LRCH3: variants seen among roughly 807,000 people sequenced by gnomAD.
The protein encoded by LRCH3 is leucine rich repeats and calponin homology domain containing 3.
A neutral mutation model predicts 104.5 loss-of-function variants in LRCH3; 68 were observed. The observed-to-expected ratio is 0.65, with a 90% confidence interval of 0.54 to 0.80. The LOEUF is 0.80. LRCH3 is among the 30% of genes least tolerant of loss of function. The pLI is 0.00. For synonymous variants in LRCH3, 344 were observed against 361.3 expected (o/e 0.95, Z 0.54); for missense variants, 951 against 953.9 (o/e 1.00, Z 0.04).
intron 1 of LRCH3, among the ~76,000 whole-genome samples, chr3:197,801,086 C>T (rs1731838542): frequency 9.1e-6 from 1 of 109,434 alleles, no homozygotes; most frequent in Admixed American, 1.1e-4. Flanking sequence ...CAGAGTGAGA[C>T]TCCATCTCAA....
At chr3:197,861,579 C>A (rs1740886782) in intron 15 of LRCH3, among the ~76,000 whole-genome samples, 2 of 152,048 alleles carry the variant, frequency 1.3e-5, no homozygotes, top group African/African-American at 4.8e-5. Flanking sequence ...TTCTATCCGA[C>A]CTGCTGTACT....
At chr3:197,805,300 A>T (rs905703849) in intron 1 of LRCH3, among the ~76,000 whole-genome samples, 2 of 152,176 alleles carry the variant, frequency 1.3e-5, no homozygotes, top group Non-Finnish European at 2.9e-5. Context: ...TTCCAGTAAG[A>T]CACTTTTTTC....
intron 1 of LRCH3, among the ~76,000 whole-genome samples, chr3:197,802,635 T>G (rs1490075899): frequency 6.6e-6 from 1 of 152,182 alleles, no homozygotes; most frequent in Non-Finnish European, 1.5e-5. Flanking sequence ...CCATGGCTTT[T>G]CTTTGGTGAG....
At chr3:197,839,470 C>A in intron 10 of LRCH3, 73 bp downstream of exon 10, 2 of 875,048 alleles carry the variant, frequency 2.3e-6, no homozygotes, top group South Asian at 1.7e-5. Flanking sequence ...TGGTTTTATG[C>A]AGATCTGTGT....
chr3:197,872,718 T>G (rs1158018474), intron 19 of LRCH3, among the ~76,000 whole-genome samples: 1 of 151,348 alleles, frequency 6.6e-6, no homozygotes, highest in Non-Finnish European at 1.5e-5. Flanking sequence ...TAGCCAGGAG[T>G]GGTTCATACA....
At position 197,856,034 on chromosome 3, in the gene LRCH3, T is replaced by TA. The variant is rs1740206925; in HGVS notation, c.1644+1589_1644+1590insA. ...CTCTCCAGTCTCCTCTCTGGGCTTGTGCCATACCAGCATTGTTTCCAGCTC... is the reference window on the plus strand; with the variant it reads ...CTCTCCAGTCTCCTCTCTGGGCTTGTAGCCATACCAGCATTGTTTCCAGCTC... On this transcript the variant is annotated intron_variant, in intron 14 of 20. Transcript: ENST00000425562. This position sits in a 1 kb window ranked among gnomAD's most constrained non-coding sequence, Gnocchi z 4.2. 6.6e-6 allele frequency among the ~76,000 whole-genome samples: 1 copy of TA among 152,244 alleles called. No individual in the cohort carries two copies. Among genetic ancestry groups the TA allele is most frequent in the Non-Finnish European group, 1.5e-5 (1 of 68,050 alleles).
chr3:197,886,367 T>G lies in LRCH3; in HGVS notation c.*2701T>G, dbSNP rs1364578776. 1 of 151,620 alleles carries G rather than the reference T, an allele frequency of 6.6e-6. No homozygotes were observed. Among genetic ancestry groups the G allele is most frequent in the Non-Finnish European group, 1.5e-5 (1 of 67,938 alleles). 9.4% of individuals were successfully genotyped at this position (151,620 alleles called of 1,614,324 possible). A position where few individuals can be genotyped will look rare whatever the true frequency, so the allele number is the denominator to read the frequency against. ...CTCTAAAAATAAATTGTACAACATCTAACTTCAATGCCCAATCTTATAGAA... is the reference window on the plus strand; with the variant it reads ...CTCTAAAAATAAATTGTACAACATCGAACTTCAATGCCCAATCTTATAGAA... On this transcript the variant is annotated 3_prime_UTR_variant, in exon 21 of 21. Coordinates refer to ENST00000425562, the MANE Select transcript of LRCH3 (RefSeq NM_001365715.1).
intron 10 of LRCH3, among the ~76,000 whole-genome samples, chr3:197,845,185 G>A (rs1738471465): frequency 6.6e-6 from 1 of 152,048 alleles, no homozygotes; most frequent in Admixed American, 6.5e-5. Context: ...AAGGTGGGTG[G>A]TTTGCTTGAG....
In LRCH3 at chr3:197,820,431, G is replaced by T. The variant is rs760380812; in HGVS notation, c.640+1G>T. The T allele has an allele frequency of 1.3e-6, 2 of 1,522,680 alleles. No individual in the cohort carries two copies. Among genetic ancestry groups the T allele is most frequent in the Non-Finnish European group, 9.1e-7 (1 of 1,101,424 alleles). 94.3% of individuals were successfully genotyped at this position (1,522,680 alleles called of 1,614,324 possible). A position where few individuals can be genotyped will look rare whatever the true frequency, so the allele number is the denominator to read the frequency against. On this transcript the variant is annotated splice_donor_variant, in intron 4 of 20. Coordinates refer to ENST00000425562, the MANE Select transcript of LRCH3 (RefSeq NM_001365715.1). LOFTEE classifies it high-confidence loss of function. ...AATCACCTAGTACATTTGCCTGAAG[G>T]TAAGAAACTATGAAATAAGAAACCA...
intron 4 of LRCH3, among the ~76,000 whole-genome samples, chr3:197,822,319 C>T (rs1734587129): frequency 6.6e-6 from 1 of 151,978 alleles, no homozygotes; most frequent in South Asian, 2.1e-4. Flanking sequence ...CCTTATAACC[C>T]CAAATTTCTC....
chr3:197,816,407 A>G (rs1477594318), intron 2 of LRCH3, among the ~76,000 whole-genome samples: 1 of 151,930 alleles, frequency 6.6e-6, no homozygotes, highest in East Asian at 1.9e-4. Context: ...CAGCCTCCCG[A>G]GTAGCTGGGA....
chr3:197,841,985 A>G (rs1737872652), intron 10 of LRCH3, among the ~76,000 whole-genome samples: 1 of 152,106 alleles, frequency 6.6e-6, no homozygotes, highest in Admixed American at 6.5e-5. Context: ...GGCGTGTGCT[A>G]CATACTCAGC....
intron 1 of LRCH3, among the ~76,000 whole-genome samples, chr3:197,792,606 A>ATATATATATTATATATATATATATAT (rs1233845852): frequency 2.6e-5 from 1 of 37,948 alleles, no homozygotes; most frequent in Non-Finnish European, 6.6e-5. Context: ...TATATATATA[A>ATATATATATTATATATATATATATAT]AATATACATA....
chr3:197,859,082 G>A, intron 15 of LRCH3, 177 bp downstream of exon 15: 1 of 604,140 alleles, frequency 1.7e-6, no homozygotes, highest in South Asian at 2.0e-5. Context: ...GTTTTATGAT[G>A]CTAGAGATAG....
At chr3:197,848,330 G>T (rs75560070) in intron 12 of LRCH3, 2 of 224,276 alleles carry the variant, frequency 8.9e-6, no homozygotes, top group Non-Finnish European at 1.8e-5. Context: ...ACCATAAAAG[G>T]CCCGTGCAGA....
chr3:197,875,815 T>G, intron 20 of LRCH3, 40 bp downstream of exon 20: 1 of 1,301,522 alleles, frequency 7.7e-7, no homozygotes, highest in Non-Finnish European at 1.1e-6. Flanking sequence ...TAAATAGACT[T>G]GGTTGTCCTA....
At chr3:197,861,519 T>C (rs1740878722) in intron 15 of LRCH3, among the ~76,000 whole-genome samples, 1 of 152,244 alleles carries the variant, frequency 6.6e-6, no homozygotes, top group African/African-American at 2.4e-5. Context: ...GACTGTCATA[T>C]GAGATTAAAA....
chr3:197,851,868 T>C (rs528275062), intron 12 of LRCH3, among the ~76,000 whole-genome samples: 7 of 152,262 alleles, frequency 4.6e-5, no homozygotes, highest in African/African-American at 1.7e-4. Flanking sequence ...TGGTTTCAAA[T>C]GAGGGTCTAG....
chr3:197,792,683 C>T (rs1403406454), intron 1 of LRCH3, among the ~76,000 whole-genome samples: 1 of 139,264 alleles, frequency 7.2e-6, no homozygotes, highest in African/African-American at 2.6e-5. Flanking sequence ...CGGTATCTCG[C>T]TCTTGTCTCC....
Sources: gnomAD v4.1 joint callset for allele counts (sites outside exome capture counted in the v4.1 genomes callset) on GRCh38, gnomAD v4.1.1 for gene constraint, Gnocchi (gnomAD v3.1) non-coding constraint, MANE v1.5 for transcripts, NCBI Gene and HGNC (gene_info 2026-07-23, HGNC 2026-07-21) for gene names.